Variants in AMBN observed in about 807,000 individuals in gnomAD.
The protein encoded by AMBN is enamel matrix protein.
Under a neutral mutation model 48.0 loss-of-function variants are expected in AMBN, and 54 were observed. The ratio of observed to expected loss-of-function variants is 1.12; its 90% CI spans 0.90 to 1.41. The LOEUF (loss-of-function observed/expected upper bound fraction) is 1.41, where lower values mean the gene tolerates loss of function less well. Among genes scored for constraint, AMBN ranks in the 40% most tolerant of loss-of-function variants. The pLI is 0.00. For missense variants in AMBN, 571 were observed against 547.3 expected, an observed-to-expected ratio of 1.04 and a Z score of -0.43; for synonymous variants, 186 against 190.0, an observed-to-expected ratio of 0.98 and a Z score of 0.17.
intron 6 of AMBN, 75 bp downstream of exon 6, chr4:70,601,729 T>G: frequency 7.3e-7 from 1 of 1,370,940 alleles, no homozygotes; most frequent in Non-Finnish European, 1.0e-6. Flanking sequence ...GCAGGGCACT[T>G]TTAAATAATC....
chr4:70,602,746 A>G, intron 7 of AMBN, 52 bp from the exon 8 acceptor site: 1 of 1,471,134 alleles, frequency 6.8e-7, no homozygotes, highest in Non-Finnish European at 9.2e-7. Context: ...ATTTGTATTT[A>G]ACTACTTTGT....
At position 70,606,874 on chromosome 4, in the gene AMBN, T is replaced by TA. The variant is rs1737672712; in HGVS notation, c.*145dup. The stretch of plus-strand genomic sequence containing the variant: ...GCATATATTAATAAATGCAAGTGGC[T>TA]AGAAATAGTGTAGGTCCCCTTCTTG... On this transcript the variant is annotated 3_prime_UTR_variant, in exon 13 of 13. Coordinates refer to ENST00000322937, the MANE Select transcript of AMBN (RefSeq NM_016519.6). 4.5e-6 allele frequency: 4 copies of TA among 890,484 alleles called. No individual in the cohort carries two copies. The Admixed American group carries it at 1.2e-4, about 26-fold the overall frequency. 55.2% of individuals were successfully genotyped at this position (890,484 alleles called of 1,614,324 possible). A position where few individuals can be genotyped will look rare whatever the true frequency, so the allele number is the denominator to read the frequency against.
At chr4:70,600,308 C>CA (rs1473636682) in intron 5 of AMBN, among the ~76,000 whole-genome samples, 1 of 147,898 alleles carries the variant, frequency 6.8e-6, no homozygotes, top group Non-Finnish European at 1.5e-5. Flanking sequence ...GACTCTGTCT[C>CA]AAAAAAAATT....
At chr4:70,596,769 C>T (rs1737392622) in intron 2 of AMBN, among the ~76,000 whole-genome samples, 1 of 152,150 alleles carries the variant, frequency 6.6e-6, no homozygotes, top group Non-Finnish European at 1.5e-5. Context: ...AAGATGCAGA[C>T]AAAGGATAGA....
intron 2 of AMBN, among the ~76,000 whole-genome samples, chr4:70,593,996 A>C (rs1212766460): frequency 6.6e-6 from 1 of 152,208 alleles, no homozygotes; most frequent in East Asian, 1.9e-4. Context: ...TCCACAATGC[A>C]TGGCGAAATT....
Position 70,606,240 on chromosome 4 carries a change from T to C in AMBN, c.854T>C (p.Met285Thr). 1.9e-6 allele frequency: 3 copies of C among 1,614,090 alleles called. No individual in the cohort carries two copies. In the South Asian group the frequency reaches 3.3e-5, roughly 18 times the overall value. ...GCCATGTTTCCAGGATTTGGAGGCA[T>C]GAGGCCCGGCTTTGAGGGAATGCCC... ...YGAMFPGFGG[M>T]RPGFEGMPHN... Residue 285 changes from methionine to threonine, a missense_variant, in exon 13 of 13, where the codon ATG becomes ACG. Physicochemically the swap from Met to Thr is moderately conservative, Grantham distance 81. Transcript: ENST00000322937.
chr4:70,598,864 T>C (rs1737449519), intron 4 of AMBN, among the ~76,000 whole-genome samples: 1 of 151,722 alleles, frequency 6.6e-6, no homozygotes, highest in African/African-American at 2.4e-5. Flanking sequence ...AACCTCCATC[T>C]CCTGGGTTCA....
At chr4:70,598,281 C>A in intron 3 of AMBN, 75 bp from the exon 4 acceptor site, 2 of 1,044,780 alleles carry the variant, frequency 1.9e-6, no homozygotes, top group Admixed American at 2.6e-5. Context: ...TTGATAATGT[C>A]AAATATCATG....
intron 3 of AMBN, 149 bp from the exon 4 acceptor site, chr4:70,598,207 C>T (rs1450826259): frequency 4.7e-6 from 2 of 427,876 alleles, no homozygotes; most frequent in East Asian, 3.6e-5. Context: ...TTAATATTTC[C>T]ACCTTTCAGT....
intron 6 of AMBN, chr4:70,601,975 CT>C: frequency 2.0e-6 from 1 of 493,660 alleles, no homozygotes; most frequent in Non-Finnish European, 3.9e-6. Flanking sequence ...TATCACTGGT[CT>C]TTTTTGGTAT....
chr4:70,603,561 A>G, intron 11 of AMBN, 101 bp downstream of exon 11: 1 of 1,222,514 alleles, frequency 8.2e-7, no homozygotes, highest in Non-Finnish European at 1.2e-6. Context: ...CCAAATAAAC[A>G]TTCTCTGAAC....
At chr4:70,604,213 A>G (rs1013181196) in intron 12 of AMBN, among the ~76,000 whole-genome samples, 1 of 152,172 alleles carries the variant, frequency 6.6e-6, no homozygotes, top group Non-Finnish European at 1.5e-5. Flanking sequence ...TGAACTATAA[A>G]CACTTCAAAC....
At chr4:70,602,526 G>C in intron 6 of AMBN, 98 bp from the exon 7 acceptor site, 1 of 795,208 alleles carries the variant, frequency 1.3e-6, no homozygotes, top group Non-Finnish European at 2.0e-6. Context: ...AGATAAGGAT[G>C]TGATCAGTTC....
At chr4:70,600,724 G>A (rs765704979) in intron 5 of AMBN, among the ~76,000 whole-genome samples, 20 of 152,070 alleles carry the variant, frequency 1.3e-4, no homozygotes, top group Non-Finnish European at 2.6e-4. Context: ...ATTTTAACGG[G>A]GAATTTTTTC....
intron 2 of AMBN, 146 bp from the exon 3 acceptor site, chr4:70,596,853 C>T (rs2109800546): frequency 5.4e-6 from 3 of 552,964 alleles, no homozygotes; most frequent in Admixed American, 6.4e-5. Flanking sequence ...CTTCATTCTG[C>T]CCAAGCACTC....
Position 70,599,598 on chromosome 4 carries a change from A to C in AMBN, c.246A>C (p.Pro82=). 6.2e-7 allele frequency: 1 copy of C among 1,613,746 alleles called. No homozygotes were observed. Among genetic ancestry groups the C allele is most frequent in the Non-Finnish European group, 8.5e-7 (1 of 1,179,844 alleles). Residue 82 remains proline (P), a synonymous_variant, in exon 5 of 13, where the codon CCA becomes CCC. Transcript: ENST00000322937. ...NSLWMHGLLP[P]HSSLPWMRPR... ...TGTGGATGCACGGTCTCCTCCCACCACATTCCTCTCTTCCATGGATGAGGC... is the reference window on the plus strand; with the variant it reads ...TGTGGATGCACGGTCTCCTCCCACCCCATTCCTCTCTTCCATGGATGAGGC...
chr4:70,594,304 C>A (rs1362901669), intron 2 of AMBN, among the ~76,000 whole-genome samples: 1 of 152,160 alleles, frequency 6.6e-6, no homozygotes, highest in Admixed American at 6.5e-5. Context: ...TGATCTCATA[C>A]AAACACAATC....
intron 5 of AMBN, 114 bp from the exon 6 acceptor site, chr4:70,601,304 C>T (rs888034318): frequency 9.4e-7 from 1 of 1,061,328 alleles, no homozygotes. Context: ...CAAGACAAGT[C>T]TCCTAGCCTC....
intron 3 of AMBN, among the ~76,000 whole-genome samples, chr4:70,597,672 C>T (rs72654385): frequency 0.11 from 17,158 of 151,892 alleles, 1,371 homozygotes; most frequent in South Asian, 0.21. Context: ...GTGAAATTTC[C>T]ATGTGTCATG....
Sources: allele counts gnomAD v4.1 joint callset (sites outside exome capture counted in the v4.1 genomes callset), GRCh38; gene constraint gnomAD v4.1.1; transcripts MANE v1.5; gene names NCBI Gene and HGNC (gene_info 2026-07-23, HGNC 2026-07-21).